MICU3: variants seen among roughly 807,000 people sequenced by gnomAD.
MICU3 encodes the protein mitochondrial calcium uptake 3.
MICU3 carries 62 observed loss-of-function variants against 66.5 expected under a neutral mutation model. The ratio of observed to expected loss-of-function variants is 0.93; its 90% CI spans 0.76 to 1.15. MICU3 has a LOEUF of 1.15. Among genes scored for constraint, MICU3 ranks in the 50% most tolerant of loss-of-function variants. The pLI, the probability that MICU3 is intolerant of heterozygous loss-of-function variation, is 0.00. For synonymous variants in MICU3, 308 were observed against 240.7 expected, an observed-to-expected ratio of 1.28 and a Z score of -2.59; for missense variants, 779 against 664.4, an observed-to-expected ratio of 1.17 and a Z score of -1.90.
chr8:17,027,949 C>A (rs537903488), intron 1 of MICU3, among the ~76,000 whole-genome samples: 1 of 152,226 alleles, frequency 6.6e-6, no homozygotes, highest in Non-Finnish European at 1.5e-5. Context: ...AAAAAAGATT[C>A]AGAAATGAAG....
At chr8:17,106,934 C>G (rs1310632588) in intron 11 of MICU3, among the ~76,000 whole-genome samples, 1 of 152,106 alleles carries the variant, frequency 6.6e-6, no homozygotes, top group Non-Finnish European at 1.5e-5. Flanking sequence ...GCCTACTTAA[C>G]TCTTCCCCTT....
intron 12 of MICU3, among the ~76,000 whole-genome samples, chr8:17,114,633 C>T (rs568309137): frequency 1.3e-3 from 194 of 152,246 alleles, no homozygotes; most frequent in African/African-American, 4.3e-3. Context: ...GTGCTGGTGT[C>T]CTCAGAGCCA....
At chr8:17,113,826 CT>C (rs539871345) in intron 11 of MICU3, among the ~76,000 whole-genome samples, 229 of 149,596 alleles carry the variant, frequency 1.5e-3, no homozygotes, top group African/African-American at 5.3e-3. Flanking sequence ...TTTATTGGAG[CT>C]TTTTTTTTGG....
intron 3 of MICU3, among the ~76,000 whole-genome samples, chr8:17,071,455 C>T (rs767255780): frequency 6.6e-6 from 1 of 152,058 alleles, no homozygotes; most frequent in African/African-American, 2.4e-5. Flanking sequence ...GATTAGGGCT[C>T]ATCCTGATGA....
the MICU3 span, among the ~76,000 whole-genome samples, chr8:17,134,852 C>T: frequency 6.6e-6 from 1 of 152,152 alleles, no homozygotes; most frequent in Non-Finnish European, 1.5e-5. Flanking sequence ...TAAACTCCTC[C>T]AAAAACACCC....
At chr8:17,033,366 G>A (rs145725334) in intron 1 of MICU3, among the ~76,000 whole-genome samples, 1,758 of 152,250 alleles carry the variant, frequency 0.012, 14 homozygotes, top group Middle Eastern at 0.034. Flanking sequence ...AAGTTTTAGT[G>A]GTCTATGTAG....
intron 10 of MICU3, 151 bp from the exon 11 acceptor site, chr8:17,105,262 T>G: frequency 3.7e-6 from 2 of 534,322 alleles, no homozygotes; most frequent in East Asian, 6.7e-5. Flanking sequence ...GTTCTTTTCA[T>G]TCTCATTTAC....
intron 9 of MICU3, among the ~76,000 whole-genome samples, chr8:17,101,074 A>G (rs1418005081): frequency 1.3e-5 from 2 of 151,922 alleles, no homozygotes; most frequent in African/African-American, 4.8e-5. Context: ...CAATAAAAAT[A>G]TGTTAAAAGA....
intron 5 of MICU3, among the ~76,000 whole-genome samples, chr8:17,083,488 A>T (rs1260147082): frequency 6.6e-6 from 1 of 152,002 alleles, no homozygotes; most frequent in African/African-American, 2.4e-5. Context: ...TTAAACTATA[A>T]ACTAAGTTCC....
the MICU3 span, among the ~76,000 whole-genome samples, chr8:17,138,619 A>G: frequency 1.3e-5 from 2 of 152,138 alleles, no homozygotes; most frequent in African/African-American, 4.8e-5. Context: ...AATGAGAAAT[A>G]ATTAAAAGTC....
intron 7 of MICU3, among the ~76,000 whole-genome samples, chr8:17,088,284 A>G (rs1044618249): frequency 2.6e-5 from 4 of 151,966 alleles, no homozygotes; most frequent in Admixed American, 6.6e-5. Flanking sequence ...ATGTTAGTCA[A>G]GTATCAAAAG....
chr8:17,077,967 G>A, intron 4 of MICU3, 106 bp downstream of exon 4: 3 of 558,458 alleles, frequency 5.4e-6, no homozygotes, highest in Non-Finnish European at 8.7e-6. Context: ...ACATCTATGT[G>A]TATGCATAGA....
intron 3 of MICU3, among the ~76,000 whole-genome samples, chr8:17,073,452 C>T (rs555456010): frequency 3.3e-5 from 5 of 152,034 alleles, no homozygotes; most frequent in African/African-American, 1.2e-4. Context: ...TCTCCCATCA[C>T]CCCCAGATAG....
chr8:17,092,421 TA>T (rs1390928236), intron 8 of MICU3, among the ~76,000 whole-genome samples: 1 of 152,072 alleles, frequency 6.6e-6, no homozygotes, highest in East Asian at 1.9e-4. Context: ...GAAGCAGACT[TA>T]AATCGCAAAT....
chr8:17,040,654 C>T (rs1172509660), intron 1 of MICU3, among the ~76,000 whole-genome samples: 1 of 152,064 alleles, frequency 6.6e-6, no homozygotes, highest in Admixed American at 6.6e-5. Flanking sequence ...AAAAAAAATT[C>T]ATTTTCTTTA....
At chr8:17,072,842 AAGG>A (rs1356682487) in intron 3 of MICU3, among the ~76,000 whole-genome samples, 13 of 152,162 alleles carry the variant, frequency 8.5e-5, no homozygotes, top group Admixed American at 8.5e-4. Flanking sequence ...CATAATTAGC[AAGG>A]AGAACAAGAA....
Position 17,104,383 on chromosome 8 carries a change from T to G in MICU3, c.985-8T>G. The G allele has an allele frequency of 7.4e-7, 1 of 1,348,368 alleles. No individual in the cohort carries two copies. Among genetic ancestry groups the G allele is most frequent in the African/African-American group, 1.5e-5 (1 of 67,134 alleles). 83.5% of individuals were successfully genotyped at this position (1,348,368 alleles called of 1,614,324 possible). A position where few individuals can be genotyped will look rare whatever the true frequency, so the allele number is the denominator to read the frequency against. ...AAGCTAACTTTTAAATTGTGATTTT[T>G]TTTTAAGCGTGCTGATGACATCACA... is the stretch of plus-strand genomic sequence containing the variant. On this transcript the variant is annotated splice_polypyrimidine_tract_variant and splice_region_variant and intron_variant, in intron 9 of 14. Transcript: ENST00000318063.
At chr8:17,054,858 C>G (rs1816668912) in intron 1 of MICU3, among the ~76,000 whole-genome samples, 1 of 151,354 alleles carries the variant, frequency 6.6e-6, no homozygotes, top group Non-Finnish European at 1.5e-5. Context: ...CCTGCCTCAG[C>G]CTCCCAAGTA....
intron 11 of MICU3, among the ~76,000 whole-genome samples, chr8:17,106,731 T>C (rs1163143838): frequency 2.0e-5 from 3 of 152,002 alleles, no homozygotes; most frequent in Non-Finnish European, 4.4e-5. Flanking sequence ...TTGATTCTCA[T>C]TGATTTTTTT....
Sources: gnomAD v4.1 joint callset for allele counts (sites outside exome capture counted in the v4.1 genomes callset) on GRCh38, gnomAD v4.1.1 for gene constraint, MANE v1.5 for transcripts, NCBI Gene and HGNC (gene_info 2026-07-23, HGNC 2026-07-21) for gene names.